The following NBEA variants were observed in gnomAD, a reference collection of about 807,000 sequenced individuals.
NBEA encodes neurobeachin.
In NBEA, 44 loss-of-function variants were observed where a neutral mutation model predicts 343.4. The ratio of observed to expected loss-of-function variants is 0.13; its 90% CI spans 0.10 to 0.16. The LOEUF (loss-of-function observed/expected upper bound fraction) is 0.16, where lower values mean the gene tolerates loss of function less well. Ranked by LOEUF, NBEA falls within the 10% of genes least tolerant of loss-of-function variation. The probability of loss-of-function intolerance (pLI) is 1.00; values close to 1 mark genes in which losing one functional copy is unlikely to be tolerated. For synonymous variants in NBEA, 1,175 were observed against 1,238.7 expected (o/e 0.95, Z 1.08); for missense variants, 2,555 against 3,631.3 (o/e 0.70, Z 7.62).
chr13:35,178,045 C>G (rs906601409), intron 28 of NBEA, among the ~76,000 whole-genome samples: 1 of 151,512 alleles, frequency 6.6e-6, no homozygotes, highest in African/African-American at 2.4e-5. Flanking sequence ...GCAATGGACA[C>G]AAGGCAACAA....
intron 38 of NBEA, among the ~76,000 whole-genome samples, chr13:35,367,310 A>C (rs1295970440): frequency 6.6e-6 from 1 of 151,286 alleles, no homozygotes; most frequent in Non-Finnish European, 1.5e-5. Context: ...AAGATGGTAG[A>C]AGTATCTTTA....
intron 18 of NBEA, among the ~76,000 whole-genome samples, chr13:35,150,497 T>G (rs923671160): frequency 6.6e-5 from 10 of 152,196 alleles, no homozygotes; most frequent in Non-Finnish European, 4.4e-5. Flanking sequence ...ATCAATTTAA[T>G]TTTTGTTAAC....
At chr13:35,428,374 C>T (rs949857865) in intron 38 of NBEA, among the ~76,000 whole-genome samples, 1 of 152,214 alleles carries the variant, frequency 6.6e-6, no homozygotes, top group Non-Finnish European at 1.5e-5. Flanking sequence ...AAATGTTGTG[C>T]TCCACAGATC....
intron 38 of NBEA, among the ~76,000 whole-genome samples, chr13:35,369,156 A>T (rs1478746714): frequency 1.8e-4 from 23 of 128,284 alleles, no homozygotes; most frequent in South Asian, 2.4e-4. Context: ...TGCCAGCACC[A>T]TTTTTTTTTT....
At chr13:35,045,722 GTTT>G (rs2062826941) in intron 4 of NBEA, among the ~76,000 whole-genome samples, 1 of 151,558 alleles carries the variant, frequency 6.6e-6, no homozygotes, top group Non-Finnish European at 1.5e-5. Context: ...GTTTTGTTTT[GTTT>G]TGTTTTGTTT....
At chr13:35,223,303 A>G (rs2074475949) in intron 33 of NBEA, among the ~76,000 whole-genome samples, 1 of 152,198 alleles carries the variant, frequency 6.6e-6, no homozygotes, top group Admixed American at 6.6e-5. Context: ...AACTACATTT[A>G]AAAGTATTCG....
At chr13:35,333,748 C>T (rs966616940) in intron 36 of NBEA, among the ~76,000 whole-genome samples, 2 of 152,136 alleles carry the variant, frequency 1.3e-5, no homozygotes, top group Middle Eastern at 3.4e-3. Context: ...TCTATGAGTT[C>T]AATTGTTTTG....
intron 4 of NBEA, among the ~76,000 whole-genome samples, chr13:35,048,075 A>G (rs904613301): frequency 7.2e-5 from 11 of 151,736 alleles, no homozygotes; most frequent in East Asian, 3.9e-4. Context: ...CTTAGTTTCA[A>G]TGTTGTTAGC....
At chr13:35,267,373 A>G (rs1339806685) in intron 34 of NBEA, among the ~76,000 whole-genome samples, 2 of 152,036 alleles carry the variant, frequency 1.3e-5, no homozygotes, top group East Asian at 1.9e-4. Flanking sequence ...TACAAAATAT[A>G]CAATTTTATC....
At chr13:35,327,322 T>C (rs1002617645) in intron 36 of NBEA, among the ~76,000 whole-genome samples, 1 of 152,048 alleles carries the variant, frequency 6.6e-6, no homozygotes, top group African/African-American at 2.4e-5. Context: ...AAAACACATG[T>C]ACACGTATGT....
At position 34,972,705 on chromosome 13, in the gene NBEA, A is replaced by G. The variant is rs192862414; in HGVS notation, c.294+29591A>G. 8.9e-4 allele frequency among the ~76,000 whole-genome samples: 136 copies of G among 152,190 alleles called. 1 individual carries two copies. The highest frequency in any genetic ancestry group is 3.0e-3 in the African/African-American group (125 of 41,524). On this transcript the variant is annotated intron_variant, in intron 1 of 58. Coordinates refer to ENST00000379939, the MANE Select transcript of NBEA (RefSeq NM_001385012.1). ...GGTCTGAGAGACTGTTATGATTTCA[A>G]TTCTTTTGCATTTCCTAAAGAGTGC...
At chr13:35,268,757 T>C (rs2033893006) in intron 34 of NBEA, among the ~76,000 whole-genome samples, 1 of 152,092 alleles carries the variant, frequency 6.6e-6, no homozygotes, top group African/African-American at 2.4e-5. Flanking sequence ...AAAAGGTCCA[T>C]TTTAATGTAT....
intron 25 of NBEA, among the ~76,000 whole-genome samples, chr13:35,169,207 A>C (rs1433036187): frequency 1.3e-5 from 2 of 151,628 alleles, no homozygotes; most frequent in African/African-American, 4.8e-5. Flanking sequence ...TCCCTAGATT[A>C]AACTATCATA....
At chr13:35,591,751 A>G (rs2081551480) in intron 46 of NBEA, among the ~76,000 whole-genome samples, 1 of 152,108 alleles carries the variant, frequency 6.6e-6, no homozygotes, top group Non-Finnish European at 1.5e-5. Flanking sequence ...GTGGCAAGAA[A>G]GGGAGTTTAA....
chr13:35,660,610 C>T (rs965948974), intron 55 of NBEA, among the ~76,000 whole-genome samples: 1 of 152,166 alleles, frequency 6.6e-6, no homozygotes, highest in Non-Finnish European at 1.5e-5. Flanking sequence ...TGGACGCTGA[C>T]CCTCCTGCCA....
intron 44 of NBEA, among the ~76,000 whole-genome samples, chr13:35,555,928 A>G (rs190840256): frequency 6.6e-6 from 1 of 152,170 alleles, no homozygotes; most frequent in Admixed American, 6.5e-5. Context: ...TAACTATGTA[A>G]TATTACTCTT....
chr13:35,488,698 TA>T lies in NBEA; in HGVS notation c.6585+16163del, dbSNP rs1214104395. Reference sequence around the variant, plus strand: ...AGAGGTAAATACTTTTAAAAAGTGATATTTTTAATAACTTGAAGCCAATGTG... The same window carrying T: ...AGAGGTAAATACTTTTAAAAAGTGATTTTTTAATAACTTGAAGCCAATGTG... On this transcript the variant is annotated intron_variant, in intron 41 of 58. Transcript: ENST00000379939. Among the ~76,000 whole-genome samples, 3 of 151,918 alleles carry T rather than the reference TA, an allele frequency of 2.0e-5. No individual in the cohort carries two copies. The East Asian group carries it at 5.8e-4, about 29-fold the overall frequency.
intron 34 of NBEA, among the ~76,000 whole-genome samples, chr13:35,236,611 T>C (rs560522365): frequency 6.0e-5 from 9 of 149,926 alleles, no homozygotes; most frequent in Admixed American, 4.6e-4. Context: ...CACGCCCAGA[T>C]ATATATTTTT....
intron 39 of NBEA, among the ~76,000 whole-genome samples, chr13:35,432,612 T>C (rs950110918): frequency 5.9e-5 from 9 of 152,142 alleles, no homozygotes; most frequent in African/African-American, 1.9e-4. Context: ...AACTTATTTT[T>C]AAGAGCTAAA....
Sources: allele counts gnomAD v4.1 joint callset (sites outside exome capture counted in the v4.1 genomes callset), GRCh38; gene constraint gnomAD v4.1.1; transcripts MANE v1.5; gene names NCBI Gene and HGNC (gene_info 2026-07-23, HGNC 2026-07-21).